Variants in FZR1 observed in about 807,000 individuals in gnomAD.
FZR1 encodes fizzy-related protein homolog.
In FZR1, 11 loss-of-function variants were observed where a neutral mutation model predicts 63.6. That is an observed-to-expected ratio of 0.17 (90% CI 0.11 to 0.29). The LOEUF is 0.29. Ranked by LOEUF, FZR1 falls within the 10% of genes least tolerant of loss-of-function variation. The pLI, the probability that FZR1 is intolerant of heterozygous loss-of-function variation, is 1.00. For missense variants in FZR1, 440 were observed against 687.5 expected (o/e 0.64, Z 4.03); for synonymous variants, 328 against 297.9 (o/e 1.10, Z -1.04).
intron 2 of FZR1, among the ~76,000 whole-genome samples, chr19:3,524,329 C>T (rs185175591): frequency 3.3e-5 from 5 of 152,172 alleles, no homozygotes; most frequent in Non-Finnish European, 7.4e-5. Context: ...GCAGCCAGGC[C>T]GGGGTGTGAA....
At chr19:3,534,041 A>T (rs1344505057) in intron 12 of FZR1, among the ~76,000 whole-genome samples, 1 of 151,290 alleles carries the variant, frequency 6.6e-6, no homozygotes. Context: ...TGGGCAACAT[A>T]GCAAGACCCC....
Position 3,533,029 on chromosome 19 carries a change from C to G in FZR1, c.1243-265C>G, listed in dbSNP as rs904261678. On this transcript the variant is annotated intron_variant, in intron 11 of 13. Transcript: ENST00000441788. This position sits in a 1 kb window ranked among gnomAD's most constrained non-coding sequence, Gnocchi z 4.9. ...CCAGGACAGTCTCGGGGGTGACTTG[C>G]AGGTGGGGCAGAGGGGCTGTGGGCC... 6.6e-6 allele frequency among the ~76,000 whole-genome samples: 1 copy of G among 152,088 alleles called. No homozygotes were observed. Among genetic ancestry groups the G allele is most frequent in the Admixed American group, 6.5e-5 (1 of 15,278 alleles).
rs1206110606 is a variant in FZR1, at chr19:3,526,493, C to T, written c.387+107C>T. On this transcript the variant is annotated intron_variant, in intron 5 of 13. Coordinates refer to ENST00000441788, the MANE Select transcript of FZR1 (RefSeq NM_016263.4). This position sits in a 1 kb window ranked among gnomAD's most constrained non-coding sequence, Gnocchi z 5.4. ...CCTCCCCGAGCCCGGTTCTCGGGCC[C>T]AGCCACGGCTCAGCACCCCCGCCCT... 43 of 897,816 alleles carry T rather than the reference C, an allele frequency of 4.8e-5. No individual in the cohort carries two copies. The highest frequency in any genetic ancestry group is 7.0e-5 in the Non-Finnish European group (41 of 585,874). The allele number at this position is 897,816 out of a possible 1,614,324, so 55.6% of individuals were successfully genotyped here.
rs1309256391 is a variant in FZR1 at position 3,530,477 on chromosome 19, A to T, written c.655-315A>T. ...GAGAGCGCATGGATGAGCGCATGGG[A>T]GAGCGCATGGGTGAGCGGATGCAAG... On this transcript the variant is annotated intron_variant, in intron 7 of 13. Coordinates refer to ENST00000441788, the MANE Select transcript of FZR1 (RefSeq NM_016263.4). Among the ~76,000 whole-genome samples the T allele has an allele frequency of 1.0e-4, 11 of 104,946 alleles. 2 individuals are homozygous for T. The highest frequency in any genetic ancestry group is 2.1e-4 in the Non-Finnish European group (10 of 47,410). 68.8% of individuals were successfully genotyped at this position (104,946 alleles called of 152,430 possible).
At position 3,514,929 on chromosome 19, in the gene FZR1, T is replaced by C. The variant is rs955752098; in HGVS notation, c.-34-8027T>C. 1.3e-5 allele frequency among the ~76,000 whole-genome samples: 2 copies of C among 152,114 alleles called. No homozygotes were observed. The highest frequency in any genetic ancestry group is 4.8e-5 in the African/African-American group (2 of 41,430). On this transcript the variant is annotated intron_variant, in intron 1 of 13. Coordinates refer to ENST00000441788, the MANE Select transcript of FZR1 (RefSeq NM_016263.4). The surrounding 1 kb of genome is among the most constrained non-coding windows in gnomAD (Gnocchi z 4.2). The stretch of plus-strand genomic sequence containing the variant: ...CAGAAGGAGGCCTCCTGGCTCTTCA[T>C]TCTGGGGCCCAGGGGGTGAAAGGTG...
rs912924095 is a variant in FZR1, at chr19:3,526,766, C to G, written c.388-214C>G. ...CCGGGAGCTCAAAGGCAGGATCACA[C>G]GGAGCCTGGCTTGGGTCCCTCGAGA... On this transcript the variant is annotated intron_variant, in intron 5 of 13. Coordinates refer to ENST00000441788, the MANE Select transcript of FZR1 (RefSeq NM_016263.4). The surrounding 1 kb of genome is among the most constrained non-coding windows in gnomAD (Gnocchi z 5.4). Among the ~76,000 whole-genome samples, 1 of 141,940 alleles carries G rather than the reference C, an allele frequency of 7.0e-6. No homozygotes were observed. Among genetic ancestry groups the G allele is most frequent in the East Asian group, 2.5e-4 (1 of 3,968 alleles). The allele number at this position is 141,940 out of a possible 152,430, so 93.1% of individuals were successfully genotyped here.
At position 3,526,469 on chromosome 19, in the gene FZR1, C is replaced by T; in HGVS notation, c.387+83C>T. 8.5e-7 allele frequency: 1 copy of T among 1,169,954 alleles called. No homozygotes were observed. Among genetic ancestry groups the T allele is most frequent in the Non-Finnish European group, 1.2e-6 (1 of 827,858 alleles). 72.5% of individuals were successfully genotyped at this position (1,169,954 alleles called of 1,614,324 possible). Reference sequence around the variant, plus strand: ...CCCACCTCCCAGGCACCAGCTCTGCCTCCCCGAGCCCGGTTCTCGGGCCCA... The same window carrying T: ...CCCACCTCCCAGGCACCAGCTCTGCTTCCCCGAGCCCGGTTCTCGGGCCCA... On this transcript the variant is annotated intron_variant, in intron 5 of 13. Coordinates refer to ENST00000441788, the MANE Select transcript of FZR1 (RefSeq NM_016263.4). This position sits in a 1 kb window ranked among gnomAD's most constrained non-coding sequence, Gnocchi z 5.4.
chr19:3,506,845 A>G (rs2082987358), intron 1 of FZR1, among the ~76,000 whole-genome samples: 1 of 152,032 alleles, frequency 6.6e-6, no homozygotes. Context: ...CCCCTAGAAC[A>G]GCAGACCCCG....
chr19:3,511,097 C>T (rs562147214), intron 1 of FZR1, among the ~76,000 whole-genome samples: 3 of 152,372 alleles, frequency 2.0e-5, no homozygotes, highest in South Asian at 2.1e-4. Context: ...AGACCACAGG[C>T]GTGGTGCCAC....
chr19:3,524,304 C>T (rs114148286), intron 2 of FZR1, among the ~76,000 whole-genome samples: 2,959 of 152,262 alleles, frequency 0.019, 94 homozygotes, highest in African/African-American at 0.062. Flanking sequence ...CAGTGCACTT[C>T]GAAGTCTCCC....
chr19:3,534,548 G>A lies in FZR1; in HGVS notation c.1440+35G>A, dbSNP rs757046350. On this transcript the variant is annotated intron_variant, in intron 13 of 13. Coordinates refer to ENST00000441788, the MANE Select transcript of FZR1 (RefSeq NM_016263.4). ...GTCGGTATCAGCGCCACTCGCCCCC[G>A]CCCCAGCCTGTCCCAGGGTCGTCCC... 3.3e-5 allele frequency: 45 copies of A among 1,384,236 alleles called. No homozygotes were observed. The Admixed American group carries it at 6.6e-4, about 20-fold the overall frequency. The allele number at this position is 1,384,236 out of a possible 1,614,324, so 85.7% of individuals were successfully genotyped here.
At chr19:3,517,058 C>T (rs978878040) in intron 1 of FZR1, among the ~76,000 whole-genome samples, 19 of 152,238 alleles carry the variant, frequency 1.2e-4, no homozygotes, top group African/African-American at 3.9e-4. Context: ...CGGTTACCAC[C>T]GCTGCTGCCA....
At chr19:3,520,329 G>A (rs1008413090) in intron 1 of FZR1, among the ~76,000 whole-genome samples, 1 of 152,210 alleles carries the variant, frequency 6.6e-6, no homozygotes, top group African/African-American at 2.4e-5. Context: ...GGCCCCAGTA[G>A]GGGGCAGGCT....
At position 3,530,080 on chromosome 19, in the gene FZR1, G is replaced by A. The variant is rs141523193; in HGVS notation, c.655-712G>A. Among the ~76,000 whole-genome samples, 428 of 124,162 alleles carry A rather than the reference G, an allele frequency of 3.4e-3. 28 individuals carry two copies. The highest frequency in any genetic ancestry group is 0.013 in the African/African-American group (405 of 31,498). 81.5% of individuals were successfully genotyped at this position (124,162 alleles called of 152,430 possible). A position where few individuals can be genotyped will look rare whatever the true frequency, so the allele number is the denominator to read the frequency against. ...CAGATGGGTGAGCGGATGGGAGAGC[G>A]GATGGGAGAGTGGATGAGAGTGGTT... On this transcript the variant is annotated intron_variant, in intron 7 of 13. Transcript: ENST00000441788.
intron 7 of FZR1, among the ~76,000 whole-genome samples, chr19:3,529,902 G>C (rs1231850743): frequency 1.0e-5 from 1 of 95,298 alleles, no homozygotes. Context: ...ATGGGAGAGT[G>C]GTTGAGGGAG....
At chr19:3,527,567 C>T (rs2083173037) in intron 6 of FZR1, 64 bp from the exon 7 acceptor site, 2 of 1,349,170 alleles carry the variant, frequency 1.5e-6, no homozygotes, top group East Asian at 2.4e-5. Context: ...AGACACTTCC[C>T]AAGCGTTTGC....
intron 7 of FZR1, among the ~76,000 whole-genome samples, chr19:3,528,726 G>A (rs1454805046): frequency 1.8e-5 from 2 of 111,978 alleles, no homozygotes; most frequent in East Asian, 2.0e-4. Flanking sequence ...TTAGGGAGTG[G>A]ATGGGTGAGT....
chr19:3,536,344 ACT>A lies in FZR1; in HGVS notation c.*1512_*1513del, dbSNP rs1291745803. The A allele has an allele frequency of 1.3e-5, 2 of 149,812 alleles. No individual in the cohort carries two copies. The highest frequency in any genetic ancestry group is 3.0e-5 in the Non-Finnish European group (2 of 67,426). 9.3% of individuals were successfully genotyped at this position (149,812 alleles called of 1,614,324 possible). On this transcript the variant is annotated 3_prime_UTR_variant, in exon 14 of 14. Transcript: ENST00000441788. The stretch of plus-strand genomic sequence containing the variant: ...TCGATCTTCCACATTCACTGGAGAG[ACT>A]CTCCCCACCTCTGTCTGGGTGGGGC...
At chr19:3,524,893 C>T (rs1427474134) in intron 2 of FZR1, among the ~76,000 whole-genome samples, 1 of 152,176 alleles carries the variant, frequency 6.6e-6, no homozygotes, top group African/African-American at 2.4e-5. Flanking sequence ...ATGGCTTCCT[C>T]TTGAGTATAA....
Sources: gnomAD v4.1 joint callset for allele counts (sites outside exome capture counted in the v4.1 genomes callset) on GRCh38, gnomAD v4.1.1 for gene constraint, Gnocchi (gnomAD v3.1) non-coding constraint, MANE v1.5 for transcripts, NCBI Gene and HGNC (gene_info 2026-07-23, HGNC 2026-07-21) for gene names.